Variants in GRIA2 observed in about 807,000 individuals in gnomAD.
GRIA2 encodes glutamate receptor 2.
In GRIA2, 14 loss-of-function variants were observed where a neutral mutation model predicts 97.3. The observed-to-expected ratio is 0.14, with a 90% confidence interval of 0.10 to 0.23. The LOEUF is 0.23. GRIA2 is among the 10% of genes least tolerant of loss of function. The pLI is 1.00. For missense variants in GRIA2, 558 were observed against 1,069.8 expected (o/e 0.52, Z 6.67); for synonymous variants, 412 against 387.8 (o/e 1.06, Z -0.73).
chr4:157,291,837 C>T (rs919864905), intron 2 of GRIA2, among the ~76,000 whole-genome samples: 3 of 151,704 alleles, frequency 2.0e-5, no homozygotes, highest in African/African-American at 7.3e-5. Flanking sequence ...GCTCATAGAA[C>T]TGATAAGAGG....
intron 2 of GRIA2, among the ~76,000 whole-genome samples, chr4:157,294,726 G>A (rs1266124700): frequency 1.3e-5 from 2 of 152,090 alleles, no homozygotes; most frequent in Non-Finnish European, 2.9e-5. Flanking sequence ...TGAGGGCATG[G>A]AGACATTTGA....
At chr4:157,233,174 A>G (rs977737056) in intron 2 of GRIA2, among the ~76,000 whole-genome samples, 1 of 152,176 alleles carries the variant, frequency 6.6e-6, no homozygotes, top group Non-Finnish European at 1.5e-5. Context: ...CCTTTCGGTG[A>G]CAAAGAAGAG....
At chr4:157,226,658 C>T (rs1003964574) in intron 2 of GRIA2, among the ~76,000 whole-genome samples, 3 of 152,042 alleles carry the variant, frequency 2.0e-5, no homozygotes, top group Non-Finnish European at 4.4e-5. Context: ...GAATGGACTT[C>T]TGTGTGTATG....
At chr4:157,220,363 G>C (rs540033022), upstream of GRIA2, 3 of 152,276 alleles carry the variant, frequency 2.0e-5, no homozygotes, top group Non-Finnish European at 4.4e-5. Flanking sequence ...ACAGCCGCAC[G>C]AAGGTAGCTC....
intron 2 of GRIA2, among the ~76,000 whole-genome samples, chr4:157,237,802 G>T (rs957128849): frequency 1.3e-5 from 2 of 152,086 alleles, no homozygotes; most frequent in Admixed American, 6.6e-5. Flanking sequence ...AACATTAACG[G>T]AGCCCAGAGG....
intron 6 of GRIA2, among the ~76,000 whole-genome samples, chr4:157,330,520 C>T (rs1224165571): frequency 2.0e-5 from 3 of 151,816 alleles, no homozygotes; most frequent in African/African-American, 7.2e-5. Context: ...TAAATTTGAG[C>T]TATACACAGA....
chr4:157,349,674 A>G (rs1367866610), intron 12 of GRIA2, among the ~76,000 whole-genome samples: 3 of 152,152 alleles, frequency 2.0e-5, no homozygotes, highest in Non-Finnish European at 4.4e-5. Context: ...TTGTTTATTT[A>G]TAATGAAAAA....
At chr4:157,224,437 C>A (rs1729651911) in intron 2 of GRIA2, among the ~76,000 whole-genome samples, 1 of 152,070 alleles carries the variant, frequency 6.6e-6, no homozygotes, top group East Asian at 1.9e-4. Flanking sequence ...ATTGACTGGG[C>A]AAATCGCTTA....
intron 2 of GRIA2, among the ~76,000 whole-genome samples, chr4:157,290,421 C>T (rs1042893938): frequency 3.3e-5 from 5 of 151,244 alleles, no homozygotes; most frequent in Non-Finnish European, 7.4e-5. Flanking sequence ...TTTCTCTCTT[C>T]CTCATTAATA....
intron 2 of GRIA2, among the ~76,000 whole-genome samples, chr4:157,239,411 G>A (rs992473710): frequency 9.9e-5 from 15 of 151,848 alleles, no homozygotes; most frequent in African/African-American, 3.4e-4. Context: ...ATCTGCAAAT[G>A]TTTAAAATTT....
At chr4:157,258,888 A>C (rs1731401586) in intron 2 of GRIA2, among the ~76,000 whole-genome samples, 1 of 152,006 alleles carries the variant, frequency 6.6e-6, no homozygotes, top group African/African-American at 2.4e-5. Context: ...AATGGTTATA[A>C]GGCAGAAAGA....
intron 2 of GRIA2, among the ~76,000 whole-genome samples, chr4:157,254,817 T>C (rs752099111): frequency 2.6e-5 from 4 of 152,076 alleles, no homozygotes; most frequent in Non-Finnish European, 5.9e-5. Flanking sequence ...TGTTTTTCAG[T>C]GGTGAAAATT....
chr4:157,351,929 C>T (rs72962896), intron 12 of GRIA2, among the ~76,000 whole-genome samples: 24 of 152,320 alleles, frequency 1.6e-4, no homozygotes, highest in South Asian at 4.1e-4. Context: ...TTATAAATTA[C>T]GCAGTCTTGT....
At chr4:157,230,814 G>A (rs548361299) in intron 2 of GRIA2, among the ~76,000 whole-genome samples, 11 of 151,978 alleles carry the variant, frequency 7.2e-5, no homozygotes, top group Admixed American at 4.6e-4. Context: ...AAGAAAGGAG[G>A]CACTATGCAT....
chr4:157,314,677 TGAGAA>T (rs1371061185), intron 4 of GRIA2, among the ~76,000 whole-genome samples: 1 of 152,138 alleles, frequency 6.6e-6, no homozygotes, highest in Non-Finnish European at 1.5e-5. Flanking sequence ...TTTTCCAAAA[TGAGAA>T]GAGAGAAACT....
At chr4:157,343,759 A>G (rs1299832486) in intron 12 of GRIA2, among the ~76,000 whole-genome samples, 1 of 152,090 alleles carries the variant, frequency 6.6e-6, no homozygotes, top group Admixed American at 6.6e-5. Flanking sequence ...GAGAATAGGA[A>G]CTGTATATGT....
At chr4:157,233,081 G>A (rs190950289) in intron 2 of GRIA2, among the ~76,000 whole-genome samples, 1 of 152,104 alleles carries the variant, frequency 6.6e-6, no homozygotes, top group Non-Finnish European at 1.5e-5. Context: ...TGCTATTAGA[G>A]GCAGAAGACA....
Position 157,242,177 on chromosome 4 carries a change from G to A in GRIA2, c.229+20370G>A, listed in dbSNP as rs72685599. ...TTTGAATTTTAAATGTGAAGATCAT[G>A]ATAACCTTCATATCTAGAATTTCTT... is the stretch of plus-strand genomic sequence containing the variant. On this transcript the variant is annotated intron_variant, in intron 2 of 15. Coordinates refer to ENST00000264426, the MANE Select transcript of GRIA2 (RefSeq NM_001083619.3). Among the ~76,000 whole-genome samples the A allele has an allele frequency of 3.3e-3, 509 of 152,138 alleles. 1 individual carries two copies. Among genetic ancestry groups the A allele is most frequent in the Non-Finnish European group, 5.7e-3 (388 of 67,956 alleles).
intron 2 of GRIA2, among the ~76,000 whole-genome samples, chr4:157,242,398 C>T (rs1245025944): frequency 6.6e-6 from 1 of 151,854 alleles, no homozygotes; most frequent in Non-Finnish European, 1.5e-5. Flanking sequence ...TGATTTGTTG[C>T]CTCGGAAAAT....
Sources: allele counts gnomAD v4.1 joint callset (sites outside exome capture counted in the v4.1 genomes callset), GRCh38; gene constraint gnomAD v4.1.1; transcripts MANE v1.5; gene names NCBI Gene and HGNC (gene_info 2026-07-23, HGNC 2026-07-21).